KCNK13: variants seen among roughly 807,000 people sequenced by gnomAD.
KCNK13 encodes potassium two pore domain channel subfamily K member 13, also known as potassium channel subfamily K member 13.
KCNK13 carries 12 observed loss-of-function variants against 23.4 expected under a neutral mutation model. The observed-to-expected ratio is 0.51, with a 90% CI of 0.33 to 0.83. The LOEUF (loss-of-function observed/expected upper bound fraction) is 0.83. Ranked by LOEUF, KCNK13 falls within the 40% of genes least tolerant of loss-of-function variation. The pLI, the probability that KCNK13 is intolerant of heterozygous loss-of-function variation, is 0.02. For missense variants in KCNK13, 463 were observed against 556.3 expected (o/e 0.83, Z 1.69); for synonymous variants, 231 against 229.5 (o/e 1.01, Z -0.06).
In KCNK13 at chr14:90,119,568, A is replaced by T. The variant is rs561788100; in HGVS notation, c.334+57029A>T. On this transcript the variant is annotated intron_variant, in intron 1 of 1. Coordinates refer to ENST00000282146, the MANE Select transcript of KCNK13 (RefSeq NM_022054.4). ...CAAATTAAAACCACAGAGATATACC[A>T]GTGCATACCCACTAGGATGGCTGTC... is the stretch of plus-strand genomic sequence containing the variant. 9.2e-5 allele frequency among the ~76,000 whole-genome samples: 14 copies of T among 152,244 alleles called. No homozygotes were observed. The East Asian group carries it at 2.7e-3, about 29-fold the overall frequency.
intron 1 of KCNK13, among the ~76,000 whole-genome samples, chr14:90,157,435 A>G (rs1890206232): frequency 6.6e-6 from 1 of 152,188 alleles, no homozygotes; most frequent in Admixed American, 6.5e-5. Context: ...TCACTGTGTC[A>G]CCCAGGCTGG....
chr14:90,143,181 T>TTTC (rs1396134555), intron 1 of KCNK13, among the ~76,000 whole-genome samples: 156 of 53,010 alleles, frequency 2.9e-3, no homozygotes, highest in Non-Finnish European at 6.0e-3. Context: ...CTTTCTTTTC[T>TTTC]TTTCTTTTCT....
intron 1 of KCNK13, among the ~76,000 whole-genome samples, chr14:90,138,077 G>T (rs1479520634): frequency 2.0e-5 from 3 of 151,968 alleles, no homozygotes; most frequent in Non-Finnish European, 2.9e-5. Flanking sequence ...AAAAATGTAG[G>T]GTCAAGAACC....
intron 1 of KCNK13, among the ~76,000 whole-genome samples, chr14:90,103,200 G>A (rs367791900): frequency 6.6e-6 from 1 of 152,172 alleles, no homozygotes. Context: ...GGGCACCTAG[G>A]TTGATTCTAT....
At chr14:90,148,499 T>C (rs1392438497) in intron 1 of KCNK13, among the ~76,000 whole-genome samples, 1 of 152,184 alleles carries the variant, frequency 6.6e-6, no homozygotes, top group African/African-American at 2.4e-5. Context: ...CAGGAGAAGC[T>C]GAGCAAGGTT....
At position 90,087,154 on chromosome 14, in the gene KCNK13, A is replaced by AT. The variant is rs1555401789; in HGVS notation, c.334+24627dup. Among the ~76,000 whole-genome samples the AT allele has an allele frequency of 1.6e-3, 177 of 107,614 alleles. 2 individuals are homozygous for AT. The highest frequency in any genetic ancestry group is 2.3e-3 in the Non-Finnish European group (130 of 56,668). 70.6% of individuals were successfully genotyped at this position (107,614 alleles called of 152,430 possible). ...CATATATATATATATATATATATAT[A>AT]TTTTTTTTTTTTATTGAGATGGGGC... On this transcript the variant is annotated intron_variant, in intron 1 of 1. Transcript: ENST00000282146.
chr14:90,068,218 C>T (rs1279760540), intron 1 of KCNK13, among the ~76,000 whole-genome samples: 1 of 152,200 alleles, frequency 6.6e-6, no homozygotes, highest in Admixed American at 6.5e-5. Flanking sequence ...AGAACCACCA[C>T]TCCCTACTTC....
chr14:90,114,359 C>T (rs1889650168), intron 1 of KCNK13, among the ~76,000 whole-genome samples: 1 of 152,184 alleles, frequency 6.6e-6, no homozygotes, highest in South Asian at 2.1e-4. Flanking sequence ...ACATTGGAAT[C>T]ACCTGAGGAG....
At chr14:90,168,817 A>G (rs1890333311) in intron 1 of KCNK13, among the ~76,000 whole-genome samples, 1 of 152,214 alleles carries the variant, frequency 6.6e-6, no homozygotes, top group East Asian at 1.9e-4. Context: ...TTGAATTGTA[A>G]TAATCCCCAC....
At chr14:90,119,621 A>T (rs1471351522) in intron 1 of KCNK13, among the ~76,000 whole-genome samples, 1 of 152,156 alleles carries the variant, frequency 6.6e-6, no homozygotes, top group African/African-American at 2.4e-5. Context: ...TTATTTAGAG[A>T]CCAAGTCTCA....
rs767661382 is a variant in KCNK13 at position 90,184,793 on chromosome 14, G to T, written c.1017G>T (p.Gly339=). Residue 339 remains glycine, a synonymous_variant, in exon 2 of 2, where the codon GGG becomes GGT. Transcript: ENST00000282146. The surrounding 1 kb of genome is among the most constrained non-coding windows in gnomAD (Gnocchi z 5.6). ...GGGTGGCAGAGAGTGACACGGACGG[G>T]CGCCGGCTCTCAGGGGAGATGATCT... is the stretch of plus-strand genomic sequence containing the variant. ...TDGVAESDTD[G]RRLSGEMISM... is the part of the protein sequence containing the mutation. 6.8e-6 allele frequency: 11 copies of T among 1,612,650 alleles called. No homozygotes were observed. Among genetic ancestry groups the T allele is most frequent in the Non-Finnish European group, 8.5e-7 (1 of 1,178,808 alleles).
intron 1 of KCNK13, among the ~76,000 whole-genome samples, chr14:90,160,447 G>A (rs1022694349): frequency 3.3e-5 from 5 of 152,072 alleles, no homozygotes; most frequent in African/African-American, 1.2e-4. Flanking sequence ...GTGAGGTCAG[G>A]GCCTGTACAA....
intron 1 of KCNK13, among the ~76,000 whole-genome samples, chr14:90,130,372 G>A (rs184310440): frequency 4.7e-4 from 72 of 151,694 alleles, no homozygotes; most frequent in African/African-American, 1.7e-3. Flanking sequence ...GCTAATTTTT[G>A]TATTTTTAGT....
At chr14:90,122,382 A>G (rs1432257348) in intron 1 of KCNK13, among the ~76,000 whole-genome samples, 1 of 151,124 alleles carries the variant, frequency 6.6e-6, no homozygotes, top group Non-Finnish European at 1.5e-5. Flanking sequence ...TAGTGGCACA[A>G]TCTCAGCTCA....
chr14:90,062,457 C>G lies in KCNK13; in HGVS notation c.252C>G (p.Ala84=), dbSNP rs1288938899. 1.3e-6 allele frequency: 2 copies of G among 1,546,792 alleles called. No individual in the cohort carries two copies. The highest frequency in any genetic ancestry group is 1.7e-6 in the Non-Finnish European group (2 of 1,146,052). The change falls in exon 1 of 2, where the codon GCC becomes GCG. Residue 84 remains alanine (A), a synonymous_variant. Coordinates refer to ENST00000282146, the MANE Select transcript of KCNK13 (RefSeq NM_022054.4). The surrounding 1 kb of genome is among the most constrained non-coding windows in gnomAD (Gnocchi z 4.5). ...GCCACTACGAGGAGGCCACTCGGGC[C>G]GGCATCCGCGTGGACAACGTCCGCC... is the stretch of plus-strand genomic sequence containing the variant. ...FLRHYEEATR[A]GIRVDNVRPR...
chr14:90,172,959 C>CCCAGCAAACCTGCCCCCTT (rs1890382335), intron 1 of KCNK13, among the ~76,000 whole-genome samples: 2 of 152,192 alleles, frequency 1.3e-5, no homozygotes, highest in Admixed American at 1.3e-4. Context: ...AGTAAATTCA[C>CCCAGCAAACCTGCCCCCTT]CCAGCAAACC....
chr14:90,152,480 A>T (rs533319898), intron 1 of KCNK13, among the ~76,000 whole-genome samples: 7 of 151,990 alleles, frequency 4.6e-5, no homozygotes, highest in Non-Finnish European at 1.0e-4. Flanking sequence ...GGTTGTGGTG[A>T]CCCGAGATCG....
At chr14:90,100,610 G>T (rs889395143) in intron 1 of KCNK13, among the ~76,000 whole-genome samples, 1 of 152,200 alleles carries the variant, frequency 6.6e-6, no homozygotes, top group East Asian at 1.9e-4. Flanking sequence ...ACTTTGATTT[G>T]TCCATGTGAA....
At chr14:90,154,329 A>G (rs1890170148) in intron 1 of KCNK13, among the ~76,000 whole-genome samples, 1 of 150,570 alleles carries the variant, frequency 6.6e-6, no homozygotes, top group South Asian at 2.1e-4. Context: ...CCTACCCACA[A>G]TGCCATGCTC....
Sources: gnomAD v4.1 joint callset for allele counts (sites outside exome capture counted in the v4.1 genomes callset) on GRCh38, gnomAD v4.1.1 for gene constraint, Gnocchi (gnomAD v3.1) non-coding constraint, MANE v1.5 for transcripts, NCBI Gene and HGNC (gene_info 2026-07-23, HGNC 2026-07-21) for gene names.